RBFOX1: variants seen among roughly 807,000 people sequenced by gnomAD.
RBFOX1 encodes RNA binding fox-1 homolog 1.
In RBFOX1, 8 loss-of-function variants were observed where a neutral mutation model predicts 57.7. The ratio of observed to expected loss-of-function variants is 0.14; its 90% confidence interval spans 0.08 to 0.25. The LOEUF (loss-of-function observed/expected upper bound fraction) is 0.25. Among genes scored for constraint, RBFOX1 ranks in the 10% least tolerant of loss-of-function variants. The probability of loss-of-function intolerance (pLI) is 1.00; values close to 1 mark genes in which losing one functional copy is unlikely to be tolerated. For synonymous variants in RBFOX1, 326 were observed against 222.4 expected (o/e 1.47, Z -4.15); for missense variants, 611 against 548.5 (o/e 1.11, Z -1.14).
intron 4 of RBFOX1, among the ~76,000 whole-genome samples, chr16:7,493,895 T>A (rs2191392): frequency 6.6e-5 from 10 of 152,228 alleles, no homozygotes; most frequent in African/African-American, 2.4e-4. Flanking sequence ...TATCGTCATC[T>A]CAGTAGGTGC....
chr16:6,673,521 G>C (rs1214099901), intron 3 of RBFOX1, among the ~76,000 whole-genome samples: 1 of 152,172 alleles, frequency 6.6e-6, no homozygotes, highest in Non-Finnish European at 1.5e-5. Flanking sequence ...CCAGGAGGTG[G>C]AGGTTGCAGT....
At chr16:5,269,438 A>T (rs1285822644) in intron 1 of RBFOX1, among the ~76,000 whole-genome samples, 2 of 152,234 alleles carry the variant, frequency 1.3e-5, no homozygotes, top group Admixed American at 1.3e-4. Flanking sequence ...CATTAGCATC[A>T]CTCCTAATAA....
intron 3 of RBFOX1, among the ~76,000 whole-genome samples, chr16:5,824,707 C>T (rs1379410356): frequency 2.6e-5 from 4 of 152,266 alleles, no homozygotes; most frequent in Admixed American, 1.3e-4. Flanking sequence ...TCTGAGGCCT[C>T]TCTCTTCCCA....
At chr16:5,360,093 T>C (rs532683284) in intron 1 of RBFOX1, among the ~76,000 whole-genome samples, 1 of 152,328 alleles carries the variant, frequency 6.6e-6, no homozygotes, top group African/African-American at 2.4e-5. Context: ...GCGGAATAAA[T>C]CACTGTCCTG....
intron 3 of RBFOX1, among the ~76,000 whole-genome samples, chr16:6,665,761 A>AT (rs34031313): frequency 0.088 from 13,318 of 152,204 alleles, 673 homozygotes; most frequent in East Asian, 0.18. Flanking sequence ...GCCATAGACC[A>AT]TTTTTTAGTA....
At chr16:7,027,211 C>T (rs1005365823) in intron 3 of RBFOX1, among the ~76,000 whole-genome samples, 1 of 151,996 alleles carries the variant, frequency 6.6e-6, no homozygotes, top group Non-Finnish European at 1.5e-5. Context: ...AACTCTCCAG[C>T]GCACAGAAAA....
chr16:5,593,919 C>A (rs938361392), intron 2 of RBFOX1, among the ~76,000 whole-genome samples: 1 of 152,126 alleles, frequency 6.6e-6, no homozygotes, highest in African/African-American at 2.4e-5. Context: ...CCCCATTTGT[C>A]TTACACAACC....
intron 9 of RBFOX1, among the ~76,000 whole-genome samples, chr16:7,601,266 G>T (rs1301556273): frequency 6.6e-6 from 1 of 152,130 alleles, no homozygotes; most frequent in Non-Finnish European, 1.5e-5. Flanking sequence ...CTCTCTAGTG[G>T]GAACTGTACA....
rs184670074 is a variant in RBFOX1 at position 7,029,411 on chromosome 16, C to G, written c.-15-22646C>G. 2.6e-5 allele frequency among the ~76,000 whole-genome samples: 4 copies of G among 151,546 alleles called. No homozygotes were observed. The East Asian group carries it at 7.9e-4, about 30-fold the overall frequency. ...ACAGAAGAAACATGAGTCTTCAGTT[C>G]TTCTTTTGCTCTTGTCTTCTCTGTC... On this transcript the variant is annotated intron_variant, in intron 3 of 15. Transcript: ENST00000550418.
chr16:6,209,568 C>G (rs2097278945), intron 1 of RBFOX1, among the ~76,000 whole-genome samples: 1 of 152,200 alleles, frequency 6.6e-6, no homozygotes, highest in Admixed American at 6.5e-5. Flanking sequence ...AAACTCTGAC[C>G]ATACAGGTGG....
At chr16:6,909,972 C>A (rs2071134153) in intron 3 of RBFOX1, among the ~76,000 whole-genome samples, 1 of 151,928 alleles carries the variant, frequency 6.6e-6, no homozygotes, top group South Asian at 2.1e-4. Flanking sequence ...CAATATTGCT[C>A]CTCAGGCAGA....
At chr16:6,757,174 G>T (rs1441730237) in intron 3 of RBFOX1, among the ~76,000 whole-genome samples, 2 of 152,092 alleles carry the variant, frequency 1.3e-5, no homozygotes, top group African/African-American at 4.8e-5. Context: ...TGGAGAAAAG[G>T]GAACTTTTAT....
rs529113614 is a variant in RBFOX1, at chr16:6,808,889, G to A, written c.-16+154239G>A. Among the ~76,000 whole-genome samples the A allele has an allele frequency of 7.2e-5, 11 of 152,134 alleles. No individual in the cohort carries two copies. In the East Asian group the frequency reaches 1.9e-3, roughly 27 times the overall value. On this transcript the variant is annotated intron_variant, in intron 3 of 15. Transcript: ENST00000550418. Reference sequence around the variant, plus strand: ...AACACCTTTAGCAGGGAACAATATCGGATAATCCCAAAGCAAGATGTTAAC... The same window carrying A: ...AACACCTTTAGCAGGGAACAATATCAGATAATCCCAAAGCAAGATGTTAAC...
chr16:6,079,072 G>A (rs1337420530), intron 1 of RBFOX1, among the ~76,000 whole-genome samples: 1 of 152,200 alleles, frequency 6.6e-6, no homozygotes, highest in African/African-American at 2.4e-5. Flanking sequence ...ACTTTGGGAG[G>A]CTGAGGCAGG....
At chr16:6,027,967 T>G (rs570020231) in intron 1 of RBFOX1, among the ~76,000 whole-genome samples, 1 of 152,226 alleles carries the variant, frequency 6.6e-6, no homozygotes, top group Non-Finnish European at 1.5e-5. Flanking sequence ...AGAGAAACAC[T>G]AATTTATTAG....
intron 4 of RBFOX1, among the ~76,000 whole-genome samples, chr16:7,375,234 G>A (rs1399513409): frequency 6.6e-6 from 1 of 152,202 alleles, no homozygotes; most frequent in Non-Finnish European, 1.5e-5. Context: ...CCAAGTCACT[G>A]TTAAATGACA....
chr16:6,370,544 C>A (rs987770856), intron 2 of RBFOX1, among the ~76,000 whole-genome samples: 1 of 152,040 alleles, frequency 6.6e-6, no homozygotes, highest in African/African-American at 2.4e-5. Flanking sequence ...ACAACATGGA[C>A]AAACCTTGAA....
rs561333937 is a variant in RBFOX1, at chr16:6,620,779, AGATCCTCCCCAGACT to A, written c.-63-33820_-63-33806del. 5.9e-3 allele frequency among the ~76,000 whole-genome samples: 893 copies of A among 152,334 alleles called. 8 individuals carry two copies. Among genetic ancestry groups the A allele is most frequent in the Non-Finnish European group, 8.4e-3 (570 of 68,026 alleles). On this transcript the variant is annotated intron_variant, in intron 2 of 15. Coordinates refer to ENST00000550418, the MANE Select transcript of RBFOX1 (RefSeq NM_018723.4). ...GAAATGGATAAATTCCTGGACGCAT[AGATCCTCCCCAGACT>A]GATTTACAGGAAGAAATTTGTTTTA... is the stretch of plus-strand genomic sequence containing the variant.
chr16:5,697,062 A>G lies in RBFOX1; in HGVS notation c.318+98101A>G, dbSNP rs1332075804. Reference sequence around the variant, plus strand: ...CGAGTAGGTGGGACTACAGGTGCAAATATTTCTAGATAAGTTAGAATTTTG... The same window carrying G: ...CGAGTAGGTGGGACTACAGGTGCAAGTATTTCTAGATAAGTTAGAATTTTG... On this transcript the variant is annotated intron_variant, in intron 3 of 19. Coordinates refer to the RBFOX1 transcript ENST00000641259. Among the ~76,000 whole-genome samples the G allele has an allele frequency of 2.6e-5, 4 of 152,134 alleles. No homozygotes were observed. In the East Asian group the frequency reaches 5.8e-4, roughly 22 times the overall value.
Sources: allele counts gnomAD v4.1 joint callset (sites outside exome capture counted in the v4.1 genomes callset), GRCh38; gene constraint gnomAD v4.1.1; transcripts MANE v1.5; gene names NCBI Gene and HGNC (gene_info 2026-07-23, HGNC 2026-07-21).